SCEL: variants seen among roughly 807,000 people sequenced by gnomAD.
The protein encoded by SCEL is sciellin.
Under a neutral mutation model 117.6 loss-of-function variants are expected in SCEL, and 113 were observed. The observed-to-expected ratio is 0.96, with a 90% CI of 0.83 to 1.12. SCEL has a LOEUF of 1.12. Ranked by LOEUF, SCEL falls within the 50% of genes most tolerant of loss-of-function variation. The pLI is 0.00. For synonymous variants in SCEL, 270 were observed against 256.2 expected (o/e 1.05, Z -0.51); for missense variants, 785 against 810.8 (o/e 0.97, Z 0.39).
chr13:77,608,952 A>C (rs9593240), intron 20 of SCEL, 106 bp from the exon 21 acceptor site: 470,324 of 912,718 alleles, frequency 0.52, 126,432 homozygotes, highest in Middle Eastern at 0.62. Flanking sequence ...TTATCTCAAA[A>C]CTCAGTAGTA....
chr13:77,641,267 T>C (rs1199608341), intron 31 of SCEL, among the ~76,000 whole-genome samples: 1 of 152,214 alleles, frequency 6.6e-6, no homozygotes, highest in East Asian at 1.9e-4. Flanking sequence ...CAATAAATAC[T>C]AATAAAGCTT....
chr13:77,567,777 G>T (rs766379253), intron 6 of SCEL, 29 bp downstream of exon 6: 2 of 1,390,928 alleles, frequency 1.4e-6, no homozygotes, highest in Non-Finnish European at 2.0e-6. Flanking sequence ...TATGGGAAAG[G>T]CTCAAGTATA....
chr13:77,584,074 T>C (rs2086418862), intron 9 of SCEL, among the ~76,000 whole-genome samples: 1 of 152,132 alleles, frequency 6.6e-6, no homozygotes, highest in South Asian at 2.1e-4. Flanking sequence ...TGGGGATGGG[T>C]GAAGGGGAGA....
intron 1 of SCEL, among the ~76,000 whole-genome samples, chr13:77,548,961 G>A (rs1490716059): frequency 6.6e-6 from 1 of 152,060 alleles, no homozygotes; most frequent in Non-Finnish European, 1.5e-5. Flanking sequence ...CCATTTGTCT[G>A]TTGATGGACA....
At chr13:77,598,714 G>C (rs550576973) in intron 13 of SCEL, among the ~76,000 whole-genome samples, 1 of 151,880 alleles carries the variant, frequency 6.6e-6, no homozygotes, top group South Asian at 2.1e-4. Context: ...ACAGGGTCTC[G>C]CTCTGTCGCC....
intron 9 of SCEL, among the ~76,000 whole-genome samples, chr13:77,587,635 A>G (rs1225149085): frequency 2.0e-5 from 3 of 151,860 alleles, no homozygotes; most frequent in Non-Finnish European, 4.4e-5. Flanking sequence ...CCTTGTTTTT[A>G]TTTGATTAAC....
chr13:77,591,349 T>C lies in SCEL; in HGVS notation c.627-46T>C, dbSNP rs748453032. The C allele has an allele frequency of 3.5e-6, 4 of 1,141,856 alleles. No individual in the cohort carries two copies. The Admixed American group carries it at 7.8e-5, about 22-fold the overall frequency. The allele number at this position is 1,141,856 out of a possible 1,614,324, so 70.7% of individuals were successfully genotyped here. On this transcript the variant is annotated intron_variant, in intron 10 of 32. Transcript: ENST00000349847. ...AAATAAATTTCAATTTATCAAAAAGTGTTTTCTTTTCTGACTGATATAATC... is the reference window on the plus strand; with the variant it reads ...AAATAAATTTCAATTTATCAAAAAGCGTTTTCTTTTCTGACTGATATAATC...
intron 27 of SCEL, among the ~76,000 whole-genome samples, chr13:77,623,142 G>GTCAT (rs1465364059): frequency 6.6e-6 from 1 of 152,184 alleles, no homozygotes; most frequent in Non-Finnish European, 1.5e-5. Flanking sequence ...CAGTGTAAAA[G>GTCAT]TCATTATGCA....
chr13:77,541,250 C>A lies in SCEL; in HGVS notation c.-20+5426C>A, dbSNP rs556676217. ...AATTTATAAAATAAGAAAGAAAATG[C>A]CCTGTAAAGTGAAGAAAAATATGCG... is the stretch of plus-strand genomic sequence containing the variant. On this transcript the variant is annotated intron_variant, in intron 1 of 32. Transcript: ENST00000349847. Among the ~76,000 whole-genome samples, 5 of 151,896 alleles carry A rather than the reference C, an allele frequency of 3.3e-5. No individual in the cohort carries two copies. The South Asian group carries it at 1.0e-3, about 32-fold the overall frequency.
At chr13:77,592,490 T>C (rs753940226) in intron 11 of SCEL, among the ~76,000 whole-genome samples, 35 of 152,192 alleles carry the variant, frequency 2.3e-4, no homozygotes, top group Middle Eastern at 3.4e-3. Flanking sequence ...GGCTACAAAA[T>C]CCTTTCTTCA....
intron 5 of SCEL, among the ~76,000 whole-genome samples, chr13:77,564,875 A>G (rs571039246): frequency 7.0e-4 from 107 of 152,318 alleles, no homozygotes; most frequent in African/African-American, 2.4e-3. Flanking sequence ...CAATGCTGGT[A>G]TCCTAAAGAG....
intron 4 of SCEL, among the ~76,000 whole-genome samples, chr13:77,560,170 C>A (rs1052701322): frequency 6.6e-6 from 1 of 151,834 alleles, no homozygotes; most frequent in African/African-American, 2.4e-5. Context: ...ATGGCTCATA[C>A]CTGTAATCCC....
rs563033721 is a variant in SCEL, at chr13:77,618,060, G to A, written c.1628G>A (p.Arg543Gln). Residue 543 changes from arginine to glutamine, a missense_variant and splice_region_variant, in exon 27 of 33, where the codon CGA becomes CAA. Coordinates refer to ENST00000349847, the MANE Select transcript of SCEL (RefSeq NM_144777.3). ...CCTTCAGCTCTTAGAAACACTAATCGGTAAATGACCTTGACTATCTTGACA... is the reference window on the plus strand; with the variant it reads ...CCTTCAGCTCTTAGAAACACTAATCAGTAAATGACCTTGACTATCTTGACA... ...VKPSALRNTN[R>Q]DQNLENLIEV... 21 of 1,609,790 alleles carry A rather than the reference G, an allele frequency of 1.3e-5. No homozygotes were observed. In the African/African-American group the frequency reaches 2.3e-4, roughly 17 times the overall value.
At chr13:77,621,773 A>G (rs1333883689) in intron 27 of SCEL, among the ~76,000 whole-genome samples, 4 of 152,290 alleles carry the variant, frequency 2.6e-5, no homozygotes, top group African/African-American at 7.2e-5. Flanking sequence ...CTGAGCCCCT[A>G]TGAGTGAAAC....
rs561934178 is a variant in SCEL, at chr13:77,587,289, C to T, written c.546-1855C>T. 2.0e-5 allele frequency among the ~76,000 whole-genome samples: 3 copies of T among 152,072 alleles called. No homozygotes were observed. In the South Asian group the frequency reaches 6.2e-4, roughly 32 times the overall value. ...TGTACTTCCATCTAAGATCAACCAC[C>T]ACCCTGTGCCTTAGGTCCCATCAAT... is the stretch of plus-strand genomic sequence containing the variant. On this transcript the variant is annotated intron_variant, in intron 9 of 32. Coordinates refer to ENST00000349847, the MANE Select transcript of SCEL (RefSeq NM_144777.3).
intron 28 of SCEL, among the ~76,000 whole-genome samples, chr13:77,633,437 C>T (rs182914886): frequency 0.076 from 3,740 of 49,418 alleles, 132 homozygotes; most frequent in East Asian, 0.34. Context: ...AGCGAGACTC[C>T]GCCTCAAAAA....
At chr13:77,547,672 A>C (rs929886694) in intron 1 of SCEL, among the ~76,000 whole-genome samples, 2 of 152,208 alleles carry the variant, frequency 1.3e-5, no homozygotes, top group Middle Eastern at 3.2e-3. Context: ...GTATCTCTTC[A>C]TCATTTTATA....
intron 28 of SCEL, among the ~76,000 whole-genome samples, chr13:77,629,672 AG>A (rs1417961630): frequency 6.6e-6 from 1 of 152,190 alleles, no homozygotes; most frequent in Non-Finnish European, 1.5e-5. Context: ...ATTAGAGAAA[AG>A]GCATACAAAT....
chr13:77,642,667 T>C (rs1199309903), intron 31 of SCEL, 39 bp from the exon 32 acceptor site: 1 of 1,230,410 alleles, frequency 8.1e-7, no homozygotes, highest in Admixed American at 2.1e-5. Context: ...CTAGATTTCA[T>C]TTACAATGGA....
Sources: gnomAD v4.1 joint callset for allele counts (sites outside exome capture counted in the v4.1 genomes callset) on GRCh38, gnomAD v4.1.1 for gene constraint, MANE v1.5 for transcripts, NCBI Gene and HGNC (gene_info 2026-07-23, HGNC 2026-07-21) for gene names.